NUMBL: variants seen among roughly 807,000 people sequenced by gnomAD.
NUMBL encodes numb-like protein.
NUMBL carries 20 observed loss-of-function variants against 48.9 expected under a neutral mutation model. The observed-to-expected ratio is 0.41, with a 90% confidence interval of 0.29 to 0.59. NUMBL has a LOEUF of 0.59. NUMBL is among the 20% of genes least tolerant of loss of function. NUMBL has a pLI of 0.31. For missense variants in NUMBL, 660 were observed against 846.2 expected, an observed-to-expected ratio of 0.78 and a Z score of 2.73; for synonymous variants, 340 against 348.7, an observed-to-expected ratio of 0.98 and a Z score of 0.28.
At position 40,668,092 on chromosome 19, in the gene NUMBL, G is replaced by T; in HGVS notation, c.1206C>A (p.Phe402Leu). The T allele has an allele frequency of 6.2e-7, 1 of 1,603,344 alleles. No homozygotes were observed. The highest frequency in any genetic ancestry group is 8.5e-7 in the Non-Finnish European group (1 of 1,175,676). ...AAGGTGTCCGCTTGTGCCCAGGCTG[G>T]AAGGCAGCTGCAGGGGGCACGGAGG... ...GEPSVPPAAA[F>L]QPGHKRTPSE... Residue 402 changes from phenylalanine to leucine, a missense_variant, in exon 10 of 10, where the codon TTC becomes TTA. Physicochemically the swap from Phe to Leu is conservative, Grantham distance 22 (BLOSUM62 0). Around this residue, in one of 3 missense-constraint regions of NUMBL, gnomAD observed 296 missense variants for 339.7 expected, o/e 0.87. Transcript: ENST00000252891.
intron 6 of NUMBL, among the ~76,000 whole-genome samples, chr19:40,678,831 G>A (rs915413393): frequency 2.6e-5 from 4 of 152,202 alleles, no homozygotes; most frequent in African/African-American, 4.8e-5. Flanking sequence ...GACTGCAGTC[G>A]CTCACACCTG....
At chr19:40,670,097 C>T (rs918741645) in intron 8 of NUMBL, 77 bp from the exon 9 acceptor site, 11 of 1,533,238 alleles carry the variant, frequency 7.2e-6, no homozygotes, top group Middle Eastern at 2.3e-4. Context: ...CCCCCGCCCT[C>T]GGTGGCCCTC....
At position 40,667,269 on chromosome 19, in the gene NUMBL, C is replaced by A. The variant is rs957110531; in HGVS notation, c.*199G>T. ...AATGGTTCCCTTAGCCAGGCTGGGT[C>A]CGTCCCTGAATTCCATCCTGTTGCA... On this transcript the variant is annotated 3_prime_UTR_variant, in exon 10 of 10. Coordinates refer to ENST00000252891, the MANE Select transcript of NUMBL (RefSeq NM_004756.5). The surrounding 1 kb of genome is among the most constrained non-coding windows in gnomAD (Gnocchi z 6.1). 1 of 735,726 alleles carries A rather than the reference C, an allele frequency of 1.4e-6. No individual in the cohort carries two copies. 45.6% of individuals were successfully genotyped at this position (735,726 alleles called of 1,614,324 possible). A position where few individuals can be genotyped will look rare whatever the true frequency, so the allele number is the denominator to read the frequency against.
In NUMBL at chr19:40,684,486, C is replaced by A. The variant is rs141059156; in HGVS notation, c.180G>T (p.Ala60=). Reference sequence around the variant, plus strand: ...CTGCCTGCCACTGGTGCGGGCGCGACGCCTCGGGCACGTAGGCTGGCTTCC... The same window carrying A: ...CTGCCTGCCACTGGTGCGGGCGCGAAGCCTCGGGCACGTAGGCTGGCTTCC... ...RRRKPAYVPE[A]SRPHQWQADE... is the part of the protein sequence containing the mutation. The change falls in exon 3 of 10, where the codon GCG becomes GCT. Residue 60 remains alanine, a synonymous_variant. Coordinates refer to ENST00000252891, the MANE Select transcript of NUMBL (RefSeq NM_004756.5). 605 of 1,595,412 alleles carry A rather than the reference C, an allele frequency of 3.8e-4. No individual in the cohort carries two copies. Among genetic ancestry groups the A allele is most frequent in the Non-Finnish European group, 4.8e-4 (566 of 1,171,788 alleles).
Position 40,673,213 on chromosome 19 carries a change from A to G in NUMBL, c.1036+131T>C. On this transcript the variant is annotated intron_variant, in intron 8 of 9. Coordinates refer to ENST00000252891, the MANE Select transcript of NUMBL (RefSeq NM_004756.5). The surrounding 1 kb of genome is among the most constrained non-coding windows in gnomAD (Gnocchi z 5.9). ...TGCTAATCGATCATGACATGTTCCC[A>G]CTCTCTCTCCTTTGCCCATGGCAGA... The G allele has an allele frequency of 1.0e-6, 1 of 961,686 alleles. No individual in the cohort carries two copies. The highest frequency in any genetic ancestry group is 1.5e-6 in the Non-Finnish European group (1 of 664,768). The allele number at this position is 961,686 out of a possible 1,614,324, so 59.6% of individuals were successfully genotyped here. A position where few individuals can be genotyped will look rare whatever the true frequency, so the allele number is the denominator to read the frequency against.
intron 3 of NUMBL, among the ~76,000 whole-genome samples, chr19:40,683,538 G>C (rs2081916615): frequency 6.6e-6 from 1 of 152,160 alleles, no homozygotes; most frequent in Non-Finnish European, 1.5e-5. Flanking sequence ...TTCAAAGTCT[G>C]CTTCCAGGGA....
intron 6 of NUMBL, among the ~76,000 whole-genome samples, chr19:40,677,748 T>C (rs1432184117): frequency 1.3e-5 from 2 of 152,056 alleles, no homozygotes; most frequent in African/African-American, 2.4e-5. Flanking sequence ...TTTGGGAGGC[T>C]GAGGCGGGAG....
rs550648720 is a variant in NUMBL, at chr19:40,678,841, G to A, written c.541-1420C>T. On this transcript the variant is annotated intron_variant, in intron 6 of 9. Transcript: ENST00000252891. ...GGTGTGACTGCAGTCGCTCACACCT[G>A]TAATCCCAGGAGGCCGAGGCAGGCA... Among the ~76,000 whole-genome samples the A allele has an allele frequency of 3.3e-5, 5 of 152,330 alleles. No individual in the cohort carries two copies. In the South Asian group the frequency reaches 1.0e-3, roughly 32 times the overall value.
intron 7 of NUMBL, among the ~76,000 whole-genome samples, chr19:40,676,650 C>T (rs1288686760): frequency 6.7e-6 from 1 of 149,480 alleles, no homozygotes; most frequent in East Asian, 2.0e-4. Context: ...CTAGATCACA[C>T]CATTGCACTC....
chr19:40,690,154 C>T (rs2081957407), intron 1 of NUMBL: 2 of 296,930 alleles, frequency 6.7e-6, no homozygotes, highest in East Asian at 5.6e-5. Context: ...ACCCCATCTC[C>T]ATCCCCATCT....
chr19:40,675,530 AAATT>A (rs1231623143), intron 7 of NUMBL, among the ~76,000 whole-genome samples: 2 of 151,238 alleles, frequency 1.3e-5, no homozygotes, highest in Non-Finnish European at 1.5e-5. Context: ...ATTAATAAAT[AAATT>A]AATTATATGG....
intron 3 of NUMBL, 172 bp from the exon 4 acceptor site, chr19:40,683,140 G>C (rs750912151): frequency 9.0e-6 from 6 of 663,138 alleles, no homozygotes; most frequent in Non-Finnish European, 1.6e-5. Context: ...TCCTGGTCTA[G>C]ACATGCAGAT....
At position 40,678,573 on chromosome 19, in the gene NUMBL, C is replaced by G. The variant is rs2081889848; in HGVS notation, c.541-1152G>C. Reference sequence around the variant, plus strand: ...CTGCAAACCAGGAAAAGAGCCCTCACCAAGAAATGAGCCATTTGACACCCT... The same window carrying G: ...CTGCAAACCAGGAAAAGAGCCCTCAGCAAGAAATGAGCCATTTGACACCCT... On this transcript the variant is annotated intron_variant, in intron 6 of 9. Transcript: ENST00000252891. 2.6e-5 allele frequency among the ~76,000 whole-genome samples: 4 copies of G among 152,310 alleles called. No homozygotes were observed. In the South Asian group the frequency reaches 8.3e-4, roughly 32 times the overall value.
At chr19:40,668,172 G>T in intron 9 of NUMBL, 34 bp from the exon 10 acceptor site, 2 of 1,547,074 alleles carry the variant, frequency 1.3e-6, no homozygotes, top group Non-Finnish European at 1.7e-6. Context: ...GAGGGAGGGG[G>T]CAACGGCTTC....
rs2081937714 is a variant in NUMBL, at chr19:40,686,915, C to T, written c.105G>A (p.Glu35=). Reference sequence around the variant, plus strand: ...TGTCCCAGGCTGGTCGCTCACCTGGCTCCGTCCTGCAGGTTTCTGGGGGCC... The same window carrying T: ...TGTCCCAGGCTGGTCGCTCACCTGGTTCCGTCCTGCAGGTTTCTGGGGGCC... The part of the protein sequence containing the change: ...APGPPETCRT[E]PDGAGTMNKL... The change falls in exon 2 of 10, where the codon GAG becomes GAA. Residue 35 remains glutamate, a synonymous_variant. Transcript: ENST00000252891. The T allele has an allele frequency of 6.5e-7, 1 of 1,541,128 alleles. No homozygotes were observed. The highest frequency in any genetic ancestry group is 2.5e-5 in the East Asian group (1 of 40,804).
At chr19:40,690,291 G>C in intron 1 of NUMBL, 169 bp downstream of exon 1, 1 of 386,368 alleles carries the variant, frequency 2.6e-6, no homozygotes, top group Non-Finnish European at 4.5e-6. Context: ...CAAGACCCCG[G>C]TCTCCTGGGC....
At chr19:40,683,032 C>A in intron 3 of NUMBL, 64 bp from the exon 4 acceptor site, 3 of 1,362,270 alleles carry the variant, frequency 2.2e-6, no homozygotes, top group Non-Finnish European at 3.2e-6. Flanking sequence ...TTCTCAGTGT[C>A]CACTGAGCAT....
Position 40,681,013 on chromosome 19 carries a change from A to G in NUMBL, c.444T>C (p.Ala148=). The G allele has an allele frequency of 6.2e-7, 1 of 1,614,236 alleles. No homozygotes were observed. The highest frequency in any genetic ancestry group is 8.5e-7 in the Non-Finnish European group (1 of 1,180,026). The stretch of plus-strand genomic sequence containing the variant: ...AAGCCTTGTCCAGGTTGCGGTCAGG[A>G]GCACAAAAGGAGACCTTTTCGATGG... ...DQTIEKVSFC[A]PDRNLDKAFS... Residue 148 remains alanine, a synonymous_variant, in exon 6 of 10, where the codon GCT becomes GCC. Coordinates refer to ENST00000252891, the MANE Select transcript of NUMBL (RefSeq NM_004756.5).
intron 1 of NUMBL, chr19:40,690,222 C>A (rs1318920269): frequency 5.5e-6 from 2 of 362,502 alleles, no homozygotes; most frequent in East Asian, 8.1e-5. Flanking sequence ...TGTGGGGGGT[C>A]TGTGTCCAGG....
Sources: allele counts gnomAD v4.1 joint callset (sites outside exome capture counted in the v4.1 genomes callset), GRCh38; gene constraint gnomAD v4.1.1; regional missense constraint gnomAD v4.1.1; non-coding constraint Gnocchi (gnomAD v3.1); transcripts MANE v1.5; gene names NCBI Gene and HGNC (gene_info 2026-07-23, HGNC 2026-07-21).